The following ADARB1 variants were observed in gnomAD, a reference collection of about 807,000 sequenced individuals.
ADARB1 encodes the protein double-stranded RNA-specific editase 1.
A neutral mutation model predicts 52.4 loss-of-function variants in ADARB1; 10 were observed. The observed-to-expected ratio is 0.19, with a 90% CI of 0.12 to 0.32. The LOEUF is 0.32. Among genes scored for constraint, ADARB1 ranks in the 10% least tolerant of loss-of-function variants. The probability of loss-of-function intolerance (pLI) is 1.00; values close to 1 mark genes in which losing one functional copy is unlikely to be tolerated. For synonymous variants in ADARB1, 349 were observed against 371.1 expected, an observed-to-expected ratio of 0.94 and a Z score of 0.68; for missense variants, 643 against 922.3, an observed-to-expected ratio of 0.70 and a Z score of 3.92.
chr21:45,114,496 T>C (rs1352065257), intron 1 of ADARB1, among the ~76,000 whole-genome samples: 1 of 152,218 alleles, frequency 6.6e-6, no homozygotes, highest in African/African-American at 2.4e-5. Context: ...GCTTTGCTTT[T>C]GCAGAGTCTC....
intron 1 of ADARB1, among the ~76,000 whole-genome samples, chr21:45,102,345 C>T (rs549893106): frequency 2.6e-5 from 4 of 152,340 alleles, no homozygotes; most frequent in African/African-American, 9.6e-5. Flanking sequence ...TTCCTCAGCA[C>T]ATTTGGGGTG....
At chr21:45,136,637 G>A (rs1279342548) in intron 2 of ADARB1, among the ~76,000 whole-genome samples, 2 of 152,244 alleles carry the variant, frequency 1.3e-5, no homozygotes, top group Non-Finnish European at 2.9e-5. Context: ...GGGGACAGCT[G>A]GCGGGGGTAG....
intron 1 of ADARB1, among the ~76,000 whole-genome samples, chr21:45,091,114 T>C (rs185840235): frequency 6.6e-6 from 1 of 152,240 alleles, no homozygotes; most frequent in Admixed American, 6.5e-5. Flanking sequence ...GGTTTAGCAG[T>C]GAATGAAATA....
At chr21:45,189,108 G>A (rs554354607) in intron 8 of ADARB1, among the ~76,000 whole-genome samples, 4 of 152,234 alleles carry the variant, frequency 2.6e-5, no homozygotes, top group East Asian at 3.9e-4. Context: ...GGGTCCCTCC[G>A]ACAATACATG....
chr21:45,153,516 C>T (rs540743345), intron 2 of ADARB1, among the ~76,000 whole-genome samples: 3 of 152,308 alleles, frequency 2.0e-5, no homozygotes, highest in South Asian at 2.1e-4. Flanking sequence ...AGCGCTTCAC[C>T]ACCACAGGGC....
rs574261190 is a variant in ADARB1, at chr21:45,186,891, TA to T, written c.1565+1801del. On this transcript the variant is annotated intron_variant, in intron 8 of 10. Coordinates refer to ENST00000348831, the MANE Select transcript of ADARB1 (RefSeq NM_001112.4). ...TGCTGTCTGTTCTATTCCATATGTC[TA>T]TTCTTTATGCCAGTGTCATGCTGTT... is the stretch of plus-strand genomic sequence containing the variant. Among the ~76,000 whole-genome samples the T allele has an allele frequency of 3.4e-3, 524 of 152,348 alleles. 6 individuals carry two copies. Among genetic ancestry groups the T allele is most frequent in the African/African-American group, 0.012 (510 of 41,586 alleles).
Position 45,224,181 on chromosome 21 carries a change from G to T in ADARB1, c.*1984G>T. 1.0e-6 allele frequency: 1 copy of T among 985,376 alleles called. No individual in the cohort carries two copies. Among genetic ancestry groups the T allele is most frequent in the Non-Finnish European group, 1.2e-6 (1 of 829,920 alleles). The allele number at this position is 985,376 out of a possible 1,614,324, so 61.0% of individuals were successfully genotyped here. ...TAATGGGGATTGGGAGATGGACTTC[G>T]TTTTTAAAAATATGTGGATTTTGGT... On this transcript the variant is annotated 3_prime_UTR_variant, in exon 11 of 11. Coordinates refer to ENST00000348831, the MANE Select transcript of ADARB1 (RefSeq NM_001112.4).
At chr21:45,165,217 T>C (rs1376723701) in intron 2 of ADARB1, among the ~76,000 whole-genome samples, 1 of 151,788 alleles carries the variant, frequency 6.6e-6, no homozygotes, top group Non-Finnish European at 1.5e-5. Flanking sequence ...AGTTGCTGAC[T>C]GGACCACTGA....
chr21:45,167,233 A>G (rs972191795), intron 2 of ADARB1, among the ~76,000 whole-genome samples: 5 of 152,188 alleles, frequency 3.3e-5, no homozygotes, highest in Non-Finnish European at 5.9e-5. Flanking sequence ...AAAGAATTTT[A>G]ATATGTAAGG....
intron 2 of ADARB1, among the ~76,000 whole-genome samples, chr21:45,131,273 G>A (rs1303209328): frequency 6.6e-6 from 1 of 152,196 alleles, no homozygotes; most frequent in Non-Finnish European, 1.5e-5. Context: ...CTGGTGACCT[G>A]AAAACCATAA....
chr21:45,111,409 C>G (rs1364362228), intron 1 of ADARB1, among the ~76,000 whole-genome samples: 2 of 152,156 alleles, frequency 1.3e-5, no homozygotes, highest in African/African-American at 2.4e-5. Context: ...CCCCCATTAT[C>G]AACATCCGTA....
intron 9 of ADARB1, among the ~76,000 whole-genome samples, chr21:45,207,677 GCATCA>G (rs1197202295): frequency 2.4e-4 from 36 of 152,216 alleles, no homozygotes; most frequent in Admixed American, 3.9e-4. Context: ...CCTGCACTGT[GCATCA>G]CAGCTCACGT....
At chr21:45,190,318 A>G (rs1192699666) in intron 8 of ADARB1, among the ~76,000 whole-genome samples, 1 of 152,100 alleles carries the variant, frequency 6.6e-6, no homozygotes, top group African/African-American at 2.4e-5. Flanking sequence ...CTTTGTTGAT[A>G]TGCTCATTTT....
At chr21:45,191,668 G>C (rs1018227349) in intron 8 of ADARB1, among the ~76,000 whole-genome samples, 1 of 151,308 alleles carries the variant, frequency 6.6e-6, no homozygotes, top group Admixed American at 6.6e-5. Context: ...ATTTTACTTA[G>C]GATTTTTGTT....
chr21:45,130,174 A>G (rs543947583), intron 2 of ADARB1, among the ~76,000 whole-genome samples: 2 of 152,332 alleles, frequency 1.3e-5, no homozygotes, highest in Non-Finnish European at 1.5e-5. Context: ...TAATATTGCT[A>G]AGTTAAGTGT....
intron 9 of ADARB1, among the ~76,000 whole-genome samples, chr21:45,219,134 A>C (rs2092918827): frequency 6.6e-6 from 1 of 152,260 alleles, no homozygotes; most frequent in African/African-American, 2.4e-5. Context: ...AAGATAAAAA[A>C]ATGTTTAAAG....
chr21:45,170,949 T>A (rs1028422932), intron 2 of ADARB1, among the ~76,000 whole-genome samples: 17 of 152,318 alleles, frequency 1.1e-4, no homozygotes, highest in Non-Finnish European at 1.0e-4. Flanking sequence ...AGAAATTAGA[T>A]TGAATTTTAG....
Position 45,144,591 on chromosome 21 carries a change from A to G in ADARB1, c.-48+16018A>G, listed in dbSNP as rs1018296475. On this transcript the variant is annotated intron_variant, in intron 2 of 10. Coordinates refer to ENST00000348831, the MANE Select transcript of ADARB1 (RefSeq NM_001112.4). The stretch of plus-strand genomic sequence containing the variant: ...TTGAATTTCTGGATTCTCATGAATC[A>G]GACATTCTATTTTTATGTTTCTCTT... 1.4e-5 allele frequency: 6 copies of G among 444,022 alleles called. No homozygotes were observed. In the East Asian group the frequency reaches 2.8e-4, roughly 21 times the overall value. 27.5% of individuals were successfully genotyped at this position (444,022 alleles called of 1,614,324 possible). A position where few individuals can be genotyped will look rare whatever the true frequency, so the allele number is the denominator to read the frequency against.
chr21:45,115,766 T>C (rs970012675), intron 1 of ADARB1, among the ~76,000 whole-genome samples: 8 of 152,364 alleles, frequency 5.3e-5, no homozygotes, highest in Admixed American at 3.3e-4. Context: ...TAAGGAATTA[T>C]TCACTTGCTC....
Sources: allele counts gnomAD v4.1 joint callset (sites outside exome capture counted in the v4.1 genomes callset), GRCh38; gene constraint gnomAD v4.1.1; transcripts MANE v1.5; gene names NCBI Gene and HGNC (gene_info 2026-07-23, HGNC 2026-07-21).